Variants in SEMA4G observed in about 807,000 individuals in gnomAD.
The protein encoded by SEMA4G is semaphorin 4G.
A neutral mutation model predicts 81.2 loss-of-function variants in SEMA4G; 59 were observed. That is an observed-to-expected ratio of 0.73 (90% CI 0.59 to 0.90). The LOEUF is 0.90. Ranked by LOEUF, SEMA4G falls within the 40% of genes least tolerant of loss-of-function variation. The pLI, the probability that SEMA4G is intolerant of heterozygous loss-of-function variation, is 0.00. For missense variants in SEMA4G, 952 were observed against 1,102.3 expected, an observed-to-expected ratio of 0.86 and a Z score of 1.93; for synonymous variants, 404 against 433.9, an observed-to-expected ratio of 0.93 and a Z score of 0.86.
upstream of SEMA4G, among the ~76,000 whole-genome samples, chr10:100,970,247 G>A (rs868432374): frequency 6.6e-5 from 10 of 152,154 alleles, no homozygotes; most frequent in Middle Eastern, 3.4e-3. Context: ...GTGGACTGGA[G>A]ACCTTAAACC....
At chr10:100,978,721 A>C in intron 6 of SEMA4G, 81 bp downstream of exon 7, 1 of 1,550,246 alleles carries the variant, frequency 6.5e-7, no homozygotes, top group Non-Finnish European at 8.9e-7. Flanking sequence ...TGACCACCCC[A>C]CCCCCAAATC....
At chr10:100,974,461 C>CA (rs1361276222) in intron 3 of SEMA4G, among the ~76,000 whole-genome samples, 3 of 151,654 alleles carry the variant, frequency 2.0e-5, no homozygotes, top group African/African-American at 7.3e-5. Flanking sequence ...AACCCTGTCT[C>CA]AAAAAAACAA....
exon 14 of SEMA4G, chr10:100,983,673 C>T: frequency 6.2e-7 from 1 of 1,613,446 alleles, no homozygotes; most frequent in Non-Finnish European, 8.5e-7. Flanking sequence ...GCTTGGTGGC[C>T]TCTGCCTCAT....
At chr10:100,983,912 A>G (rs1438563345) in exon 14 of SEMA4G, 6 of 185,374 alleles carry the variant, frequency 3.2e-5, no homozygotes, top group Non-Finnish European at 5.0e-5. Flanking sequence ...CAGCCCCACC[A>G]CCCCCACCGC....
chr10:100,977,884 A>G (rs1850869714), intron 4 of SEMA4G, 154 bp downstream of exon 5: 4 of 642,064 alleles, frequency 6.2e-6, no homozygotes, highest in South Asian at 3.6e-5. Flanking sequence ...GGCGGGCTGC[A>G]CTGGAGAACC....
downstream of SEMA4G, chr10:100,984,848 T>C: frequency 6.7e-7 from 1 of 1,502,796 alleles, no homozygotes; most frequent in Non-Finnish European, 8.9e-7. Flanking sequence ...GTGTGGCCCT[T>C]GTGAATCAGC....
At position 100,984,030 on chromosome 10, in the gene SEMA4G, G is replaced by A; in HGVS notation, c.2416G>A (p.Val806Ile). ...GCTTCTGAGGCAGAGCAACAATGGA[G>A]TACCAGCAGGGCCCTGCTCCTTCGC... The change falls in exon 14 of 14, where the codon GTA (valine) becomes ATA (isoleucine). Residue 806 changes from valine (V) to isoleucine (I), a missense_variant. Coordinates refer to ENST00000370250, the Ensembl canonical transcript of SEMA4G. 5 of 1,613,634 alleles carry A rather than the reference G, an allele frequency of 3.1e-6. 1 individual carries two copies. Among genetic ancestry groups the A allele is most frequent in the Non-Finnish European group, 4.2e-6 (5 of 1,180,002 alleles).
At chr10:100,972,983 G>A (rs751304450) in exon 1 of SEMA4G, 30 of 1,613,846 alleles carry the variant, frequency 1.9e-5, no homozygotes, top group East Asian at 4.5e-5. Flanking sequence ...CCCTCACTGC[G>A]GAGACCGTCT....
intron 11 of SEMA4G, 46 bp downstream of exon 12, chr10:100,980,739 A>C: frequency 6.2e-7 from 1 of 1,607,934 alleles, no homozygotes; most frequent in Non-Finnish European, 8.5e-7. Context: ...TGAAATAGGA[A>C]GAGGGAGTGG....
chr10:100,983,716 T>C, exon 14 of SEMA4G: 1 of 1,613,606 alleles, frequency 6.2e-7, no homozygotes. Context: ...GTGGCCTGTC[T>C]GCGGGAAGGC....
At chr10:100,983,675 C>T in exon 14 of SEMA4G, 1 of 1,613,396 alleles carries the variant, frequency 6.2e-7, no homozygotes, top group Admixed American at 1.7e-5. Flanking sequence ...TTGGTGGCCT[C>T]TGCCTCATCC....
exon 9 of SEMA4G, chr10:100,979,913 G>A (rs1850979819): frequency 6.2e-7 from 1 of 1,614,124 alleles, no homozygotes; most frequent in Admixed American, 1.7e-5. Flanking sequence ...GTCTTTGCAG[G>A]ACCCTATATG....
rs140083755 is a variant in SEMA4G at position 100,979,359 on chromosome 10, G to A, written c.983+88G>A. The A allele has an allele frequency of 8.8e-4, 1,422 of 1,606,996 alleles. 2 individuals are homozygous for A. The highest frequency in any genetic ancestry group is 1.1e-3 in the Non-Finnish European group (1,346 of 1,176,430). ...CAATGAGGATGAGATAGGATCCACT[G>A]TGGGGAGGTCTGGCTGCAAAGTGAG... is the stretch of plus-strand genomic sequence containing the variant. On this transcript the variant is annotated intron_variant, in intron 8 of 13. Transcript: ENST00000370250.
exon 14 of SEMA4G, chr10:100,984,153 G>C: frequency 3.2e-6 from 5 of 1,583,868 alleles, no homozygotes; most frequent in Non-Finnish European, 3.4e-6. Flanking sequence ...CAGAACAAAT[G>C]CTCTTCCAAG....
intron 3 of SEMA4G, 68 bp from the exon 5 acceptor site, chr10:100,977,564 A>T: frequency 7.8e-7 from 1 of 1,288,250 alleles, no homozygotes; most frequent in South Asian, 1.2e-5. Flanking sequence ...CAAACTACAA[A>T]GCTAGACTAA....
At chr10:100,975,825 G>A (rs570492140) in intron 3 of SEMA4G, among the ~76,000 whole-genome samples, 6 of 152,230 alleles carry the variant, frequency 3.9e-5, no homozygotes, top group East Asian at 3.9e-4. Flanking sequence ...TCTTGAACCC[G>A]GGAGGCGGAG....
At chr10:100,983,243 C>T in intron 13 of SEMA4G, 62 bp from the exon 15 acceptor site, 1 of 1,457,146 alleles carries the variant, frequency 6.9e-7, no homozygotes, top group Non-Finnish European at 9.1e-7. Flanking sequence ...AACAGTCTGG[C>T]TTGCCATCTC....
upstream of SEMA4G, among the ~76,000 whole-genome samples, chr10:100,971,858 T>C (rs186015723): frequency 2.6e-5 from 4 of 152,290 alleles, no homozygotes; most frequent in East Asian, 7.7e-4. Flanking sequence ...CCTTGCACAC[T>C]ACAGCCTTCT....
In SEMA4G at chr10:100,973,483, C is replaced by T; in HGVS notation, c.274-64C>T. On this transcript the variant is annotated intron_variant, in intron 2 of 13. Transcript: ENST00000370250. This position sits in a 1 kb window ranked among gnomAD's most constrained non-coding sequence, Gnocchi z 5.5. ...TCCCCAACTCTGTGGGGTCCTATTG[C>T]CTGGTCCTATGAGTAATAGGTATTG... 2 of 1,551,102 alleles carry T rather than the reference C, an allele frequency of 1.3e-6. No homozygotes were observed. The highest frequency in any genetic ancestry group is 1.1e-5 in the South Asian group (1 of 88,652).
Sources: allele counts gnomAD v4.1 joint callset (sites outside exome capture counted in the v4.1 genomes callset), GRCh38; gene constraint gnomAD v4.1.1; non-coding constraint Gnocchi (gnomAD v3.1); transcripts MANE v1.5; gene names NCBI Gene and HGNC (gene_info 2026-07-23, HGNC 2026-07-21).